The following NRG3 variants were observed in gnomAD, a reference collection of about 807,000 sequenced individuals.
The protein encoded by NRG3 is neuregulin 3, also known as pro-neuregulin-3, membrane-bound isoform.
In NRG3, 31 loss-of-function variants were observed where a neutral mutation model predicts 66.9. The ratio of observed to expected loss-of-function variants is 0.46; its 90% confidence interval spans 0.35 to 0.63. The LOEUF is 0.63. NRG3 is among the 20% of genes least tolerant of loss of function. The pLI is 0.00. For missense variants in NRG3, 910 were observed against 878.9 expected, an observed-to-expected ratio of 1.04 and a Z score of -0.45; for synonymous variants, 393 against 359.4, an observed-to-expected ratio of 1.09 and a Z score of -1.06.
At chr10:82,655,291 C>G (rs763363910) in intron 2 of NRG3, among the ~76,000 whole-genome samples, 3 of 151,854 alleles carry the variant, frequency 2.0e-5, no homozygotes, top group Non-Finnish European at 2.9e-5. Flanking sequence ...AAAATGACAA[C>G]CTGTAGTAAA....
chr10:82,038,496 A>G (rs971411274), intron 1 of NRG3, among the ~76,000 whole-genome samples: 2 of 152,136 alleles, frequency 1.3e-5, no homozygotes, highest in Non-Finnish European at 1.5e-5. Context: ...GCTCATAAGT[A>G]AGAAGATGAG....
chr10:82,791,109 G>T (rs779915509), intron 3 of NRG3, among the ~76,000 whole-genome samples: 5 of 151,886 alleles, frequency 3.3e-5, no homozygotes, highest in Non-Finnish European at 7.4e-5. Context: ...TCCTTGGAGA[G>T]ACTTTAACTT....
At chr10:82,569,607 CT>C (rs567600062) in intron 2 of NRG3, among the ~76,000 whole-genome samples, 327 of 151,766 alleles carry the variant, frequency 2.2e-3, no homozygotes, top group Middle Eastern at 0.02. Flanking sequence ...CCACGGAATG[CT>C]TCTTAGAAAA....
chr10:82,704,455 C>T (rs1461260095), intron 2 of NRG3, among the ~76,000 whole-genome samples: 1 of 152,136 alleles, frequency 6.6e-6, no homozygotes, highest in Non-Finnish European at 1.5e-5. Flanking sequence ...ACAAGGATAT[C>T]ATATGCTCTG....
At chr10:82,319,078 A>G (rs1335249793) in intron 1 of NRG3, among the ~76,000 whole-genome samples, 4 of 152,228 alleles carry the variant, frequency 2.6e-5, no homozygotes, top group African/African-American at 9.6e-5. Context: ...TGTTATAGGA[A>G]ACATATCTTA....
chr10:82,249,667 C>G (rs569599670), intron 1 of NRG3, among the ~76,000 whole-genome samples: 13 of 152,250 alleles, frequency 8.5e-5, no homozygotes, highest in African/African-American at 3.1e-4. Context: ...ACACACAACC[C>G]ACACTTGCTT....
intron 5 of NRG3, among the ~76,000 whole-genome samples, chr10:82,953,214 T>C (rs1231280079): frequency 6.6e-6 from 1 of 152,046 alleles, no homozygotes; most frequent in Non-Finnish European, 1.5e-5. Flanking sequence ...GGGCTTCTTA[T>C]GTGTTAGCTT....
At position 82,412,838 on chromosome 10, in the gene NRG3, C is replaced by CA. The variant is rs1157937312; in HGVS notation, c.953+53973dup. Among the ~76,000 whole-genome samples the CA allele has an allele frequency of 1.4e-3, 207 of 150,972 alleles. 2 individuals carry two copies. Among genetic ancestry groups the CA allele is most frequent in the African/African-American group, 4.9e-3 (201 of 40,804 alleles). On this transcript the variant is annotated intron_variant, in intron 2 of 8. Transcript: ENST00000372141. The stretch of plus-strand genomic sequence containing the variant: ...ACAGGTGTAGATTTCATCTAACAAA[C>CA]AAACAAAAAAACACTTTCTTAGCTC...
chr10:82,536,998 G>A (rs992144597), intron 2 of NRG3, among the ~76,000 whole-genome samples: 2 of 151,812 alleles, frequency 1.3e-5, no homozygotes, highest in Non-Finnish European at 2.9e-5. Flanking sequence ...CTCTAAACTT[G>A]GAGAAAGTAG....
intron 2 of NRG3, among the ~76,000 whole-genome samples, chr10:82,469,955 C>T (rs574384753): frequency 1.3e-5 from 2 of 152,122 alleles, no homozygotes; most frequent in East Asian, 1.9e-4. Flanking sequence ...GCAAGCTAAT[C>T]GCTTTCATCC....
chr10:82,958,870 C>T, intron 5 of NRG3, 79 bp from the exon 6 acceptor site: 44 of 1,411,908 alleles, frequency 3.1e-5, no homozygotes, highest in Non-Finnish European at 3.8e-5. Context: ...AATATAGACA[C>T]TGGGAATGAA....
At chr10:82,214,959 G>A (rs2075588983) in intron 1 of NRG3, among the ~76,000 whole-genome samples, 1 of 152,118 alleles carries the variant, frequency 6.6e-6, no homozygotes, top group Non-Finnish European at 1.5e-5. Flanking sequence ...AGTTTGTGCA[G>A]TCTTGATCAT....
At chr10:82,010,936 A>C (rs1239452505) in intron 1 of NRG3, among the ~76,000 whole-genome samples, 1 of 152,178 alleles carries the variant, frequency 6.6e-6, no homozygotes, top group Admixed American at 6.6e-5. Flanking sequence ...TTAAGATTTC[A>C]AAACAAAACT....
intron 2 of NRG3, among the ~76,000 whole-genome samples, chr10:82,547,990 G>C (rs2044038398): frequency 6.7e-6 from 1 of 150,282 alleles, no homozygotes; most frequent in South Asian, 2.1e-4. Flanking sequence ...AAGAAGATCA[G>C]AGGATAACCT....
intron 2 of NRG3, among the ~76,000 whole-genome samples, chr10:82,384,058 T>G (rs1182651613): frequency 6.6e-6 from 1 of 152,114 alleles, no homozygotes; most frequent in Non-Finnish European, 1.5e-5. Flanking sequence ...GACAGATAAT[T>G]TTGAATATAA....
intron 1 of NRG3, among the ~76,000 whole-genome samples, chr10:82,041,884 G>A (rs899744203): frequency 4.6e-5 from 7 of 151,952 alleles, no homozygotes; most frequent in Admixed American, 2.0e-4. Flanking sequence ...CAAAGTCAGA[G>A]TTGAAGATCA....
chr10:82,176,856 A>G (rs1243763855), intron 1 of NRG3, among the ~76,000 whole-genome samples: 1 of 145,990 alleles, frequency 6.8e-6, no homozygotes, highest in Non-Finnish European at 1.5e-5. Context: ...ATTTGACAAC[A>G]CAAAGCCTCG....
chr10:82,104,751 C>A (rs1314039354), intron 1 of NRG3, among the ~76,000 whole-genome samples: 1 of 152,124 alleles, frequency 6.6e-6, no homozygotes, highest in East Asian at 1.9e-4. Context: ...ATCAATCTCT[C>A]CATTAATATA....
rs757060096 is a variant in NRG3 at position 82,985,501 on chromosome 10, G to A, written c.1987G>A (p.Glu663Lys). The change falls in exon 9 of 9, where the codon GAA (glutamate) becomes AAA (lysine). Residue 663 changes from glutamate (E) to lysine (K), a missense_variant. By Grantham distance (56) the Glu-to-Lys change is moderately conservative. Transcript: ENST00000372141. Reference protein sequence around the residue: ...ASVETEDSASENTAFLPLSPT... With the variant: ...ASVETEDSASKNTAFLPLSPT... The stretch of plus-strand genomic sequence containing the variant: ...CGTAGAAACCGAGGACAGTGCAAGC[G>A]AAAACACAGCCTTTCTCCCCCTGAG... The A allele has an allele frequency of 1.3e-5, 21 of 1,613,940 alleles. No individual in the cohort carries two copies. The highest frequency in any genetic ancestry group is 1.2e-4 in the Admixed American group (7 of 59,986).
Sources: gnomAD v4.1 joint callset for allele counts (sites outside exome capture counted in the v4.1 genomes callset) on GRCh38, gnomAD v4.1.1 for gene constraint, MANE v1.5 for transcripts, NCBI Gene and HGNC (gene_info 2026-07-23, HGNC 2026-07-21) for gene names.